Variants in GYS1 observed in about 807,000 individuals in gnomAD.
GYS1 encodes glycogen synthase 1, also known as glycogen [starch] synthase, muscle.
GYS1 carries 60 observed loss-of-function variants against 89.1 expected under a neutral mutation model. That is an observed-to-expected ratio of 0.67 (90% CI 0.55 to 0.84). The LOEUF is 0.84. Ranked by LOEUF, GYS1 falls within the 40% of genes least tolerant of loss-of-function variation. The pLI is 0.00. For missense variants in GYS1, 888 were observed against 1,003.1 expected (o/e 0.89, Z 1.55); for synonymous variants, 366 against 401.7 (o/e 0.91, Z 1.06).
At chr19:48,990,008 G>GGGT in intron 2 of GYS1, among the ~76,000 whole-genome samples, 1 of 148,980 alleles carries the variant, frequency 6.7e-6, no homozygotes, top group East Asian at 2.0e-4. Context: ...TGGGGGGGGG[G>GGGT]GGGGGCTATT....
At chr19:48,971,075 C>G in intron 12 of GYS1, 52 bp from the exon 13 acceptor site, 1 of 1,268,476 alleles carries the variant, frequency 7.9e-7, no homozygotes, top group Non-Finnish European at 1.2e-6. Flanking sequence ...CGCCTACCGT[C>G]TTAATCGCAA....
chr19:48,976,626 C>A (rs1009816839), intron 10 of GYS1, among the ~76,000 whole-genome samples: 37 of 152,152 alleles, frequency 2.4e-4, no homozygotes, highest in African/African-American at 8.9e-4. Context: ...CTGACTGCGT[C>A]CCTAAAGTGG....
At chr19:48,970,179 A>G in intron 14 of GYS1, 1 of 467,734 alleles carries the variant, frequency 2.1e-6, no homozygotes, top group South Asian at 2.2e-5. Context: ...GATGGAGTGC[A>G]GTGGGTTTGA....
chr19:48,977,131 G>A (rs2038666565), intron 10 of GYS1, among the ~76,000 whole-genome samples: 1 of 151,862 alleles, frequency 6.6e-6, no homozygotes, highest in Non-Finnish European at 1.5e-5. Context: ...GCTAGTGTGG[G>A]ATCTGGCTCT....
chr19:48,975,744 G>A (rs1049744741), intron 10 of GYS1, among the ~76,000 whole-genome samples: 7 of 151,604 alleles, frequency 4.6e-5, no homozygotes, highest in African/African-American at 1.2e-4. Flanking sequence ...TGGCTAACAC[G>A]GTGAAACCCC....
chr19:48,985,629 C>T (rs1348119008), intron 4 of GYS1, 24 bp from the exon 5 acceptor site: 15 of 1,613,426 alleles, frequency 9.3e-6, no homozygotes, highest in South Asian at 7.7e-5. Flanking sequence ...GACAGCAGTC[C>T]GGTTAGAAGG....
chr19:48,982,684 CT>C, intron 6 of GYS1, 35 bp downstream of exon 6: 1 of 1,403,712 alleles, frequency 7.1e-7, no homozygotes, highest in Non-Finnish European at 1.0e-6. Flanking sequence ...TCCCAACGCC[CT>C]CCTCTCTTAA....
intron 14 of GYS1, chr19:48,970,247 C>G (rs1252700773): frequency 4.3e-6 from 2 of 469,384 alleles, no homozygotes; most frequent in Non-Finnish European, 7.8e-6. Context: ...ACCTCAGCCT[C>G]CCCAGTAGCT....
chr19:48,989,183 G>A (rs952752765), intron 2 of GYS1, among the ~76,000 whole-genome samples: 1 of 151,700 alleles, frequency 6.6e-6, no homozygotes, highest in African/African-American at 2.4e-5. Context: ...GTGCAGTGGT[G>A]CAATCATGGC....
rs777178030 is a variant in GYS1, at chr19:48,979,336, C to CTTTTTTTTTTTTTTTTT, written c.1170-1196_1170-1180dup. On this transcript the variant is annotated intron_variant, in intron 8 of 15. Coordinates refer to ENST00000323798, the MANE Select transcript of GYS1 (RefSeq NM_002103.5). ...TTTGTCTCTTTTTCTTTTTTCTTTT[C>CTTTTTTTTTTTTTTTTT]TTTTTTTTTTTTTTTTTTTTTTTTT... Among the ~76,000 whole-genome samples, 311 of 92,580 alleles carry CTTTTTTTTTTTTTTTTT rather than the reference C, an allele frequency of 3.4e-3. 30 individuals are homozygous for CTTTTTTTTTTTTTTTTT. Among genetic ancestry groups the CTTTTTTTTTTTTTTTTT allele is most frequent in the Non-Finnish European group, 5.1e-3 (227 of 44,774 alleles). The allele number at this position is 92,580 out of a possible 152,430, so 60.7% of individuals were successfully genotyped here.
chr19:48,971,823 T>A (rs2038569304), intron 12 of GYS1, among the ~76,000 whole-genome samples: 1 of 151,134 alleles, frequency 6.6e-6, no homozygotes, highest in South Asian at 2.1e-4. Context: ...CCCAAAGTGG[T>A]CAAATTATAG....
chr19:48,969,448 C>T lies in GYS1; in HGVS notation c.2054G>A (p.Arg685Gln), dbSNP rs1490178936. ...YDEDEEAAKD[R>Q]RNIRAPEWPR... is the part of the protein sequence containing the mutation. ...CCACTCTGGTGCACGGATGTTGCGC[C>T]GGTCCTTGGCGGCCTCCTCGTCCTC... Residue 685 changes from arginine (R) to glutamine (Q), a missense_variant, in exon 16 of 16, where the codon CGG becomes CAG. Coordinates refer to ENST00000323798, the MANE Select transcript of GYS1 (RefSeq NM_002103.5). The T allele has an allele frequency of 3.9e-6, 6 of 1,544,918 alleles. No homozygotes were observed. Among genetic ancestry groups the T allele is most frequent in the Admixed American group, 3.9e-5 (2 of 51,046 alleles).
At chr19:48,986,105 G>A in intron 3 of GYS1, 70 bp from the exon 4 acceptor site, 1 of 1,423,246 alleles carries the variant, frequency 7.0e-7, no homozygotes, top group Non-Finnish European at 9.8e-7. Context: ...CCCCAGTAGG[G>A]ACAAGGACTC....
At chr19:48,982,945 T>C in intron 5 of GYS1, 108 bp from the exon 6 acceptor site, 1 of 830,636 alleles carries the variant, frequency 1.2e-6, no homozygotes, top group Non-Finnish European at 2.1e-6. Context: ...ATTTTTTTGT[T>C]TCAAGAGCGT....
chr19:48,971,173 T>C (rs1304771080), intron 12 of GYS1, 150 bp from the exon 13 acceptor site: 9 of 699,542 alleles, frequency 1.3e-5, no homozygotes, highest in Non-Finnish European at 2.1e-5. Context: ...AACCAGGCTG[T>C]GCATTTCCCT....
At position 48,969,398 on chromosome 19, in the gene GYS1, A is replaced by G. The variant is rs1173408972; in HGVS notation, c.2104T>C (p.Ser702Pro). Residue 702 changes from serine to proline, a missense_variant, in exon 16 of 16, where the codon TCC (serine) becomes CCC (proline). Physicochemically the swap from Ser to Pro is moderately conservative, Grantham distance 74. Coordinates refer to ENST00000323798, the MANE Select transcript of GYS1 (RefSeq NM_002103.5). ...GAGTTGCGCTTGCTGCCGCTGGTGG[A>G]GGAGGTGCAGGACGCTCGGCGCGGC... ...EWPRRASCTS[S>P]TSGSKRNSVD... 1 of 1,560,986 alleles carries G rather than the reference A, an allele frequency of 6.4e-7. No homozygotes were observed. The highest frequency in any genetic ancestry group is 2.4e-5 in the East Asian group (1 of 41,908).
At chr19:48,987,076 C>T in intron 3 of GYS1, 118 bp downstream of exon 3, 1 of 771,100 alleles carries the variant, frequency 1.3e-6, no homozygotes, top group Non-Finnish European at 2.3e-6. Context: ...AGAGCTAATC[C>T]TTGGATTAAA....
chr19:48,991,151 T>C lies in GYS1; in HGVS notation c.300+151A>G, dbSNP rs2038919182. On this transcript the variant is annotated intron_variant, in intron 2 of 15. Coordinates refer to ENST00000323798, the MANE Select transcript of GYS1 (RefSeq NM_002103.5). The surrounding 1 kb of genome is among the most constrained non-coding windows in gnomAD (Gnocchi z 4.7). ...CCCACCCACTTCCAGGCCCTGCATC[T>C]GTCTGGGTGTCCTATCACGCCTCCT... 3 of 784,268 alleles carry C rather than the reference T, an allele frequency of 3.8e-6. No individual in the cohort carries two copies. Among genetic ancestry groups the C allele is most frequent in the Admixed American group, 4.1e-5 (2 of 49,242 alleles). 48.6% of individuals were successfully genotyped at this position (784,268 alleles called of 1,614,324 possible). A position where few individuals can be genotyped will look rare whatever the true frequency, so the allele number is the denominator to read the frequency against.
At chr19:48,969,673 C>T (rs1050254711) in intron 15 of GYS1, 62 bp from the exon 16 acceptor site, 54 of 1,573,158 alleles carry the variant, frequency 3.4e-5, no homozygotes, top group Non-Finnish European at 4.3e-5. Context: ...CCCACCCAGG[C>T]ATCCAGCCAC....
Sources: gnomAD v4.1 joint callset for allele counts (sites outside exome capture counted in the v4.1 genomes callset) on GRCh38, gnomAD v4.1.1 for gene constraint, Gnocchi (gnomAD v3.1) non-coding constraint, MANE v1.5 for transcripts, NCBI Gene and HGNC (gene_info 2026-07-23, HGNC 2026-07-21) for gene names.